Variants in RAPGEF4 observed in about 807,000 individuals in gnomAD.
The protein encoded by RAPGEF4 is RAP guanine-nucleotide-exchange factor (GEF) 4.
RAPGEF4 carries 66 observed loss-of-function variants against 147.9 expected under a neutral mutation model. The observed-to-expected ratio is 0.45, with a 90% CI of 0.37 to 0.55. The LOEUF (loss-of-function observed/expected upper bound fraction) is 0.55, where lower values mean the gene tolerates loss of function less well. Among genes scored for constraint, RAPGEF4 ranks in the 20% least tolerant of loss-of-function variants. The pLI, the probability that RAPGEF4 is intolerant of heterozygous loss-of-function variation, is 0.00. For synonymous variants in RAPGEF4, 419 were observed against 442.7 expected, an observed-to-expected ratio of 0.95 and a Z score of 0.67; for missense variants, 1,071 against 1,257.3, an observed-to-expected ratio of 0.85 and a Z score of 2.24.
chr2:172,891,339 G>C lies in RAPGEF4; in HGVS notation c.445-26463G>C, dbSNP rs139555700. Reference sequence around the variant, plus strand: ...CTCTATGATGTCTGTCAGATATTAAGTTTCAGGTATGTGTCCCTGATGTCT... The same window carrying C: ...CTCTATGATGTCTGTCAGATATTAACTTTCAGGTATGTGTCCCTGATGTCT... On this transcript the variant is annotated intron_variant, in intron 4 of 30. Coordinates refer to ENST00000397081, the MANE Select transcript of RAPGEF4 (RefSeq NM_007023.4). Among the ~76,000 whole-genome samples, 29 of 152,278 alleles carry C rather than the reference G, an allele frequency of 1.9e-4. No individual in the cohort carries two copies. The East Asian group carries it at 5.6e-3, about 29-fold the overall frequency.
chr2:173,014,617 A>G lies in RAPGEF4; in HGVS notation c.1809+3A>G. ...ACGTGTCTATGGCCTTCCTGGAGGT[A>G]GGCAGGGGTCATCTCTTCCAAGAAT... On this transcript the variant is annotated splice_donor_region_variant and intron_variant, in intron 18 of 30. Coordinates refer to ENST00000397081, the MANE Select transcript of RAPGEF4 (RefSeq NM_007023.4). 6.2e-7 allele frequency: 1 copy of G among 1,611,956 alleles called. No individual in the cohort carries two copies. The highest frequency in any genetic ancestry group is 8.5e-7 in the Non-Finnish European group (1 of 1,178,610).
intron 1 of RAPGEF4, among the ~76,000 whole-genome samples, chr2:172,750,626 C>T (rs1361551481): frequency 6.6e-6 from 1 of 152,194 alleles, no homozygotes; most frequent in Non-Finnish European, 1.5e-5. Flanking sequence ...GTTCCCTTTT[C>T]TCCATGTCCT....
intron 4 of RAPGEF4, among the ~76,000 whole-genome samples, chr2:172,874,948 G>C (rs558465998): frequency 6.6e-6 from 1 of 152,336 alleles, no homozygotes; most frequent in Admixed American, 6.5e-5. Flanking sequence ...TCTAACTGGT[G>C]TGAGATGGTA....
At chr2:172,821,490 C>T (rs966711107) in intron 4 of RAPGEF4, 1 of 785,940 alleles carries the variant, frequency 1.3e-6, no homozygotes, top group Admixed American at 6.3e-5. Context: ...AAAATATATC[C>T]AAAAATAAAC....
chr2:172,747,701 A>G (rs1382869442), intron 1 of RAPGEF4, among the ~76,000 whole-genome samples: 1 of 152,116 alleles, frequency 6.6e-6, no homozygotes, highest in African/African-American at 2.4e-5. Flanking sequence ...GGGCTTAAGC[A>G]ATCCTCCTAC....
At chr2:173,050,554 C>T (rs113516351) in intron 30 of RAPGEF4, among the ~76,000 whole-genome samples, 4,684 of 152,164 alleles carry the variant, frequency 0.031, 178 homozygotes, top group African/African-American at 0.089. Flanking sequence ...GTGGAAACCC[C>T]GGTCAGGAGC....
chr2:172,901,563 AT>A (rs1699059420), intron 4 of RAPGEF4, among the ~76,000 whole-genome samples: 1 of 152,230 alleles, frequency 6.6e-6, no homozygotes, highest in Non-Finnish European at 1.5e-5. Context: ...CTTTGGCAGA[AT>A]CAATCTGAGA....
At chr2:172,840,033 C>T (rs1251527700) in intron 4 of RAPGEF4, among the ~76,000 whole-genome samples, 1 of 152,124 alleles carries the variant, frequency 6.6e-6, no homozygotes, top group Non-Finnish European at 1.5e-5. Context: ...CTCTTTAGTA[C>T]TTTGTCTTGT....
rs151129811 is a variant in RAPGEF4 at position 172,829,941 on chromosome 2, T to A, written c.444+15516T>A. 5.9e-3 allele frequency among the ~76,000 whole-genome samples: 891 copies of A among 151,874 alleles called. 5 individuals carry two copies. The highest frequency in any genetic ancestry group is 0.01 in the Non-Finnish European group (687 of 67,968). On this transcript the variant is annotated intron_variant, in intron 4 of 30. Transcript: ENST00000397081. ...TCAAGGACCAGCTTTGACATTTTTA[T>A]ATGCGTGTGCATTTTTATATTCCAT...
chr2:172,743,069 C>T (rs1694442132), intron 1 of RAPGEF4, among the ~76,000 whole-genome samples: 1 of 152,104 alleles, frequency 6.6e-6, no homozygotes, highest in Non-Finnish European at 1.5e-5. Flanking sequence ...TGTCCTGCAC[C>T]ACCTCCTCAC....
Position 173,043,778 on chromosome 2 carries a change from C to G in RAPGEF4, c.2854-4822C>G, listed in dbSNP as rs548312001. 3.3e-3 allele frequency among the ~76,000 whole-genome samples: 497 copies of G among 152,308 alleles called. 3 individuals are homozygous for G. Among genetic ancestry groups the G allele is most frequent in the Middle Eastern group, 0.02 (6 of 294 alleles). ...GAACAAGGTACCTCTGACACCTCAG[C>G]GGACTCAAGGGAAATTCCCTGCATC... is the stretch of plus-strand genomic sequence containing the variant. On this transcript the variant is annotated intron_variant, in intron 29 of 30. Coordinates refer to ENST00000397081, the MANE Select transcript of RAPGEF4 (RefSeq NM_007023.4).
At chr2:172,832,087 A>G (rs1028363172) in intron 4 of RAPGEF4, among the ~76,000 whole-genome samples, 4 of 152,234 alleles carry the variant, frequency 2.6e-5, no homozygotes, top group African/African-American at 9.6e-5. Flanking sequence ...CCACAGAAGG[A>G]AAGGAGAGCA....
intron 4 of RAPGEF4, among the ~76,000 whole-genome samples, chr2:172,825,929 A>G (rs1689620336): frequency 6.6e-6 from 1 of 152,212 alleles, no homozygotes; most frequent in African/African-American, 2.4e-5. Flanking sequence ...ATTTGCTTCA[A>G]AAATTTATTA....
At chr2:172,762,258 T>C (rs1696419868) in intron 1 of RAPGEF4, among the ~76,000 whole-genome samples, 1 of 152,230 alleles carries the variant, frequency 6.6e-6, no homozygotes, top group Non-Finnish European at 1.5e-5. Context: ...TACAGCTCCT[T>C]CTGCTTCCTG....
intron 16 of RAPGEF4, among the ~76,000 whole-genome samples, chr2:172,996,912 G>A (rs1693424587): frequency 6.6e-6 from 1 of 152,178 alleles, no homozygotes; most frequent in South Asian, 2.1e-4. Flanking sequence ...CTACATAAAA[G>A]GTACAGCCTT....
chr2:172,849,481 A>C (rs1692578827), intron 4 of RAPGEF4, among the ~76,000 whole-genome samples: 1 of 152,244 alleles, frequency 6.6e-6, no homozygotes, highest in South Asian at 2.1e-4. Context: ...ATGGAATATC[A>C]GTAATGAAAG....
At chr2:173,047,114 A>T (rs1685568089) in intron 29 of RAPGEF4, among the ~76,000 whole-genome samples, 1 of 151,068 alleles carries the variant, frequency 6.6e-6, no homozygotes, top group African/African-American at 2.4e-5. Context: ...TCTCCACAGG[A>T]CCCCCTTTAG....
intron 17 of RAPGEF4, among the ~76,000 whole-genome samples, chr2:173,008,174 A>G (rs1406133944): frequency 1.3e-5 from 2 of 152,110 alleles, no homozygotes; most frequent in African/African-American, 4.8e-5. Flanking sequence ...TCTTGGTGCC[A>G]TGTGAAGGAC....
intron 4 of RAPGEF4, among the ~76,000 whole-genome samples, chr2:172,915,926 C>A (rs1684027936): frequency 6.6e-6 from 1 of 152,052 alleles, no homozygotes; most frequent in Non-Finnish European, 1.5e-5. Context: ...AGACATAGTT[C>A]CCTGTGTTGA....
Sources: allele counts gnomAD v4.1 joint callset (sites outside exome capture counted in the v4.1 genomes callset), GRCh38; gene constraint gnomAD v4.1.1; transcripts MANE v1.5; gene names NCBI Gene and HGNC (gene_info 2026-07-23, HGNC 2026-07-21).